SLC28A1: variants seen among roughly 807,000 people sequenced by gnomAD.
The protein encoded by SLC28A1 is sodium/nucleoside cotransporter 1.
SLC28A1 carries 64 observed loss-of-function variants against 74.8 expected under a neutral mutation model. The ratio of observed to expected loss-of-function variants is 0.86; its 90% CI spans 0.70 to 1.05. The LOEUF (loss-of-function observed/expected upper bound fraction) is 1.05, where lower values mean the gene tolerates loss of function less well. Among genes scored for constraint, SLC28A1 ranks in the 50% least tolerant of loss-of-function variants. The pLI, the probability that SLC28A1 is intolerant of heterozygous loss-of-function variation, is 0.00. For missense variants in SLC28A1, 828 were observed against 822.8 expected, an observed-to-expected ratio of 1.01 and a Z score of -0.08; for synonymous variants, 359 against 335.0, an observed-to-expected ratio of 1.07 and a Z score of -0.78.
chr15:84,954,466 C>T, the SLC28A1 span, among the ~76,000 whole-genome samples: 1 of 152,178 alleles, frequency 6.6e-6, no homozygotes, highest in Admixed American at 6.5e-5. Flanking sequence ...AAGGGACTAA[C>T]GTTTTCTGAA....
At chr15:84,905,337 C>T (rs1173250778) in intron 7 of SLC28A1, among the ~76,000 whole-genome samples, 2 of 152,220 alleles carry the variant, frequency 1.3e-5, no homozygotes, top group Non-Finnish European at 2.9e-5. Context: ...CACCCCTCCT[C>T]ACTGCCCAGG....
chr15:84,914,920 T>TTCTCC (rs1968871756), intron 9 of SLC28A1, among the ~76,000 whole-genome samples: 1 of 152,184 alleles, frequency 6.6e-6, no homozygotes, highest in Non-Finnish European at 1.5e-5. Context: ...GCTTCTCTTC[T>TTCTCC]ACCATTCTCC....
chr15:84,918,461 C>G (rs1033366377), intron 9 of SLC28A1, 63 bp from the exon 10 acceptor site: 1 of 1,345,800 alleles, frequency 7.4e-7, no homozygotes, highest in Non-Finnish European at 1.1e-6. Flanking sequence ...CTCCTGGGCC[C>G]CGCCTGGCAC....
chr15:84,946,489 C>T (rs1004847339), downstream of SLC28A1, among the ~76,000 whole-genome samples: 3 of 151,842 alleles, frequency 2.0e-5, no homozygotes, highest in African/African-American at 7.3e-5. Context: ...ATCGGAGTCG[C>T]GGACAGGTTA....
chr15:84,890,311 G>A (rs1444573037), intron 4 of SLC28A1, 132 bp from the exon 5 acceptor site: 1 of 710,250 alleles, frequency 1.4e-6, no homozygotes, highest in Non-Finnish European at 2.5e-6. Context: ...CAGCCCTGTG[G>A]GGATGTCAAG....
chr15:84,901,564 A>G (rs1966695889), intron 6 of SLC28A1, among the ~76,000 whole-genome samples: 1 of 152,222 alleles, frequency 6.6e-6, no homozygotes, highest in South Asian at 2.1e-4. Flanking sequence ...CAAGATATGA[A>G]CAGACATTTA....
the SLC28A1 span, among the ~76,000 whole-genome samples, chr15:84,962,425 G>A: frequency 4.3e-3 from 647 of 152,046 alleles, no homozygotes; most frequent in African/African-American, 0.013. Flanking sequence ...AGAGAAGAAA[G>A]AAAGGGTGGG....
At chr15:84,946,412 A>T (rs1341307044), downstream of SLC28A1, among the ~76,000 whole-genome samples, 1 of 151,946 alleles carries the variant, frequency 6.6e-6, no homozygotes, top group African/African-American at 2.4e-5. Context: ...TCAGCGCTTT[A>T]TATATTTTAA....
chr15:84,954,817 A>C, the SLC28A1 span, among the ~76,000 whole-genome samples: 10 of 152,146 alleles, frequency 6.6e-5, no homozygotes, highest in Non-Finnish European at 8.8e-5. Context: ...ACATGGCTGC[A>C]AATTTTCTAA....
rs1165501382 is a variant in SLC28A1, at chr15:84,923,982, C to T, written c.958-3C>T. On this transcript the variant is annotated splice_region_variant and splice_polypyrimidine_tract_variant and intron_variant, in intron 11 of 18. Transcript: ENST00000394573. ...GCTTGTCTGACATCTTTCCTGTTTG[C>T]AGACCGAGGCTCCATTACTGATCCG... 6.2e-7 allele frequency: 1 copy of T among 1,614,090 alleles called. No individual in the cohort carries two copies. The highest frequency in any genetic ancestry group is 1.7e-5 in the Admixed American group (1 of 60,018).
In SLC28A1 at chr15:84,940,206, A is replaced by G. The variant is rs75508918; in HGVS notation, c.1582-3239A>G. ...GACAACTAAAGATGAAGGCACTACCATCCACATACATAACTAATGTGTGCT... is the reference window on the plus strand; with the variant it reads ...GACAACTAAAGATGAAGGCACTACCGTCCACATACATAACTAATGTGTGCT... On this transcript the variant is annotated intron_variant, in intron 15 of 18. Coordinates refer to ENST00000394573, the MANE Select transcript of SLC28A1 (RefSeq NM_004213.5). Among the ~76,000 whole-genome samples, 725 of 152,288 alleles carry G rather than the reference A, an allele frequency of 4.8e-3. 10 individuals are homozygous for G. The highest frequency in any genetic ancestry group is 0.017 in the African/African-American group (708 of 41,552).
the SLC28A1 span, among the ~76,000 whole-genome samples, chr15:84,965,898 C>T: frequency 1.0e-4 from 11 of 107,758 alleles, no homozygotes; most frequent in East Asian, 1.1e-3. Context: ...TGGAGGGAGG[C>T]GGGGAGGGGG....
At chr15:84,950,469 A>G (rs1169558288), downstream of SLC28A1, among the ~76,000 whole-genome samples, 1 of 151,782 alleles carries the variant, frequency 6.6e-6, no homozygotes, top group Non-Finnish European at 1.5e-5. Context: ...CAGGCCTGTA[A>G]TCCCAACACT....
intron 15 of SLC28A1, among the ~76,000 whole-genome samples, chr15:84,941,399 G>A (rs1192728671): frequency 1.3e-5 from 2 of 151,878 alleles, no homozygotes; most frequent in Non-Finnish European, 2.9e-5. Context: ...TAGAAATGGG[G>A]TTTCACCATG....
intron 1 of SLC28A1, among the ~76,000 whole-genome samples, chr15:84,885,686 G>A (rs1038880870): frequency 7.1e-6 from 1 of 140,458 alleles, no homozygotes; most frequent in African/African-American, 2.7e-5. Context: ...AACCGAGCTC[G>A]CACCACTGTA....
At chr15:84,914,469 C>A (rs879727491) in intron 9 of SLC28A1, among the ~76,000 whole-genome samples, 4 of 152,238 alleles carry the variant, frequency 2.6e-5, no homozygotes, top group Non-Finnish European at 4.4e-5. Context: ...AGGGGCATGG[C>A]AGGACCTTGG....
chr15:84,956,785 G>T, the SLC28A1 span, among the ~76,000 whole-genome samples: 4 of 151,044 alleles, frequency 2.6e-5, no homozygotes, highest in African/African-American at 9.8e-5. Context: ...GATTACAGAC[G>T]TGAGCTACTG....
In SLC28A1 at chr15:84,945,301, A is replaced by G; in HGVS notation, c.*101A>G. ...TCCCAGAGCCCTCTTCAGGGAAGCC[A>G]CAGGACTTAGACCCAGCTCAATCCC... is the stretch of plus-strand genomic sequence containing the variant. On this transcript the variant is annotated 3_prime_UTR_variant, in exon 19 of 19. Coordinates refer to ENST00000394573, the MANE Select transcript of SLC28A1 (RefSeq NM_004213.5). The G allele has an allele frequency of 8.9e-7, 1 of 1,118,348 alleles. No homozygotes were observed. Among genetic ancestry groups the G allele is most frequent in the South Asian group, 1.3e-5 (1 of 77,658 alleles). The allele number at this position is 1,118,348 out of a possible 1,614,324, so 69.3% of individuals were successfully genotyped here.
intron 12 of SLC28A1, 116 bp downstream of exon 12, chr15:84,924,226 G>A: frequency 7.9e-7 from 1 of 1,268,522 alleles, no homozygotes; most frequent in Non-Finnish European, 1.1e-6. Flanking sequence ...TGGGCCTGCT[G>A]TGCTGGCAAG....
Sources: gnomAD v4.1 joint callset for allele counts (sites outside exome capture counted in the v4.1 genomes callset) on GRCh38, gnomAD v4.1.1 for gene constraint, MANE v1.5 for transcripts, NCBI Gene and HGNC (gene_info 2026-07-23, HGNC 2026-07-21) for gene names.